LMTK3: variants seen among roughly 807,000 people sequenced by gnomAD.
The protein encoded by LMTK3 is serine/threonine-protein kinase LMTK3.
Under a neutral mutation model 116.7 loss-of-function variants are expected in LMTK3, and 27 were observed. That is an observed-to-expected ratio of 0.23 (90% confidence interval 0.17 to 0.32). LMTK3 has a LOEUF of 0.32. Ranked by LOEUF, LMTK3 falls within the 10% of genes least tolerant of loss-of-function variation. The pLI, the probability that LMTK3 is intolerant of heterozygous loss-of-function variation, is 1.00. For missense variants in LMTK3, 1,764 were observed against 2,068.5 expected (o/e 0.85, Z 2.86); for synonymous variants, 965 against 971.0 (o/e 0.99, Z 0.11).
In LMTK3 at chr19:48,510,138, C is replaced by T. The variant is rs1487288580; in HGVS notation, c.246G>A (p.Gly82=). ...TCTCCTCCGCAGGGGGAGTGTACTC[C>T]CCGGAGCAGTCCTCCCCTTCAGGGT... ...FENPEGEDCS[G]EYTPPAEETS... The change falls in exon 3 of 15, where the codon GGG becomes GGA. Residue 82 remains glycine (G), a synonymous_variant. Transcript: ENST00000600059. 4 of 1,613,856 alleles carry T rather than the reference C, an allele frequency of 2.5e-6. No homozygotes were observed. Among genetic ancestry groups the T allele is most frequent in the Non-Finnish European group, 3.4e-6 (4 of 1,179,822 alleles).
At position 48,497,540 on chromosome 19, in the gene LMTK3, C is replaced by T. The variant is rs774296302; in HGVS notation, c.3529G>A (p.Glu1177Lys). 7.9e-6 allele frequency: 11 copies of T among 1,391,340 alleles called. No homozygotes were observed. The highest frequency in any genetic ancestry group is 8.4e-6 in the Non-Finnish European group (9 of 1,069,314). The allele number at this position is 1,391,340 out of a possible 1,614,324, so 86.2% of individuals were successfully genotyped here. Residue 1177 changes from glutamate (E) to lysine (K), a missense_variant, in exon 11 of 15, where the codon GAG (glutamate) becomes AAG (lysine). By Grantham distance (56) the Glu-to-Lys change is moderately conservative. Coordinates refer to ENST00000600059, the MANE Select transcript of LMTK3 (RefSeq NM_001388485.1). This position sits in a 1 kb window ranked among gnomAD's most constrained non-coding sequence, Gnocchi z 5.7. ...RARPEVAPEG[E>K]PGAPDSRAGG... ...GCCCTGCTGTCTGGGGCCCCGGGCT[C>T]TCCCTCGGGGGCCACCTCCGGCCTG...
rs775978337 is a variant in LMTK3 at position 48,501,025 on chromosome 19, C to A, written c.1122G>T (p.Pro374=). ...VRQQHVKLAR[P]RLKLPYADYW... ...AGTCCGCGTAAGGCAGCTTGAGCCTCGGCCGGGCCAGCTTCACATGCTGCT... is the reference window on the plus strand; with the variant it reads ...AGTCCGCGTAAGGCAGCTTGAGCCTAGGCCGGGCCAGCTTCACATGCTGCT... The change falls in exon 10 of 15, where the codon CCG becomes CCT. Residue 374 remains proline, a synonymous_variant. Transcript: ENST00000600059. 1.2e-5 allele frequency: 18 copies of A among 1,531,368 alleles called. No individual in the cohort carries two copies. The highest frequency in any genetic ancestry group is 1.6e-5 in the Non-Finnish European group (18 of 1,141,570). 94.9% of individuals were successfully genotyped at this position (1,531,368 alleles called of 1,614,324 possible). A position where few individuals can be genotyped will look rare whatever the true frequency, so the allele number is the denominator to read the frequency against.
At chr19:48,512,712 C>G (rs1347219371), upstream of LMTK3, among the ~76,000 whole-genome samples, 1 of 151,998 alleles carries the variant, frequency 6.6e-6, no homozygotes, top group Non-Finnish European at 1.5e-5. Context: ...CTCACACGGA[C>G]ACAAGCTTCA....
intron 5 of LMTK3, among the ~76,000 whole-genome samples, chr19:48,503,781 C>T (rs1219929030): frequency 6.6e-6 from 1 of 151,816 alleles, no homozygotes; most frequent in Non-Finnish European, 1.5e-5. Flanking sequence ...GCCTTTGCAC[C>T]TACAGTTTTC....
chr19:48,493,585 C>CCG, intron 12 of LMTK3, 109 bp downstream of exon 12: 1 of 1,403,248 alleles, frequency 7.1e-7, no homozygotes. Flanking sequence ...CGCCTCCCTC[C>CCG]AGGCCCCGCC....
Position 48,497,743 on chromosome 19 carries a change from A to G in LMTK3, c.3326T>C (p.Leu1109Pro). The G allele has an allele frequency of 7.4e-7, 1 of 1,343,150 alleles. No individual in the cohort carries two copies. The highest frequency in any genetic ancestry group is 3.0e-5 in the East Asian group (1 of 33,442). 83.2% of individuals were successfully genotyped at this position (1,343,150 alleles called of 1,614,324 possible). A position where few individuals can be genotyped will look rare whatever the true frequency, so the allele number is the denominator to read the frequency against. ...CACTGGGGCTCGGCCCCCACTCCCGAGGTCCAGCCTCCCAGCCCCTGGGGC... is the reference window on the plus strand; with the variant it reads ...CACTGGGGCTCGGCCCCCACTCCCGGGGTCCAGCCTCCCAGCCCCTGGGGC... ...PRAPGAGRLD[L>P]GSGGRAPVGT... Residue 1109 changes from leucine (L) to proline (P), a missense_variant, in exon 11 of 15, where the codon CTC (leucine) becomes CCC (proline). Physicochemically the swap from Leu to Pro is moderately conservative, Grantham distance 98. Around this residue, in one of 7 missense-constraint regions of LMTK3, gnomAD observed 1,028 missense variants for 1,050.6 expected, o/e 0.98. Transcript: ENST00000600059. This position sits in a 1 kb window ranked among gnomAD's most constrained non-coding sequence, Gnocchi z 5.7.
rs759010027 is a variant in LMTK3, at chr19:48,497,487, G to A, written c.3582C>T (p.Asp1194=). 4 of 1,482,742 alleles carry A rather than the reference G, an allele frequency of 2.7e-6. No individual in the cohort carries two copies. Among genetic ancestry groups the A allele is most frequent in the Non-Finnish European group, 3.6e-6 (4 of 1,119,450 alleles). The allele number at this position is 1,482,742 out of a possible 1,614,324, so 91.8% of individuals were successfully genotyped here. The stretch of plus-strand genomic sequence containing the variant: ...TCCTCTCGGGCTTGGGGGGGTCCCC[G>A]TCTCCGCTGAGTGCCGTGTCTCCGC... The part of the protein sequence containing the change: ...RAGGDTALSG[D]GDPPKPERKG... The change falls in exon 11 of 15, where the codon GAC becomes GAT. Residue 1194 remains aspartate (D), a synonymous_variant. Transcript: ENST00000600059. The surrounding 1 kb of genome is among the most constrained non-coding windows in gnomAD (Gnocchi z 5.7).
rs1047011219 is a variant in LMTK3 at position 48,499,744 on chromosome 19, G to A, written c.1325C>T (p.Pro442Leu). The A allele has an allele frequency of 5.2e-6, 8 of 1,532,236 alleles. No homozygotes were observed. Among genetic ancestry groups the A allele is most frequent in the Admixed American group, 2.1e-5 (1 of 48,628 alleles). 94.9% of individuals were successfully genotyped at this position (1,532,236 alleles called of 1,614,324 possible). ...PWPWPPAHSA[P>L]RPGTLSSPFP... ...CGGTGAGGAGAGGGTCCCCGGGCGG[G>A]GCGCACTGTGTGCAGGGGGCCAGGG... The change falls in exon 11 of 15, where the codon CCC (proline) becomes CTC (leucine). Residue 442 changes from proline (P) to leucine (L), a missense_variant. By Grantham distance (98) the Pro-to-Leu change is moderately conservative. Coordinates refer to ENST00000600059, the MANE Select transcript of LMTK3 (RefSeq NM_001388485.1).
At chr19:48,486,242 G>A (rs1972123136) in intron 14 of LMTK3, among the ~76,000 whole-genome samples, 1 of 149,974 alleles carries the variant, frequency 6.7e-6, no homozygotes, top group Admixed American at 6.6e-5. Context: ...TGTATTTTTA[G>A]TAGAGACGGG....
Position 48,491,168 on chromosome 19 carries a change from C to CGGAGAAGCG in LMTK3, c.4297_4305dup (p.Arg1433_Ser1435dup), listed in dbSNP as rs1223880290. On this transcript the variant is annotated inframe_insertion, in exon 14 of 15. Transcript: ENST00000600059. This position sits in a 1 kb window ranked among gnomAD's most constrained non-coding sequence, Gnocchi z 5.1. ...CCCGGGGTCTCCAGCGCAGGCGAGA[C>CGGAGAAGCG]GGAGAAGCGGGAGAAGCACAGCGGG... 7.4e-7 allele frequency: 1 copy of CGGAGAAGCG among 1,348,036 alleles called. No homozygotes were observed. The allele number at this position is 1,348,036 out of a possible 1,614,324, so 83.5% of individuals were successfully genotyped here.
In LMTK3 at chr19:48,511,613, GCTGGGGAGGA is replaced by G; in HGVS notation, c.-47_-38del. 1 of 869,784 alleles carries G rather than the reference GCTGGGGAGGA, an allele frequency of 1.1e-6. No homozygotes were observed. Among genetic ancestry groups the G allele is most frequent in the Non-Finnish European group, 1.6e-6 (1 of 611,210 alleles). 53.9% of individuals were successfully genotyped at this position (869,784 alleles called of 1,614,324 possible). A position where few individuals can be genotyped will look rare whatever the true frequency, so the allele number is the denominator to read the frequency against. On this transcript the variant is annotated 5_prime_UTR_variant, in exon 1 of 15. Transcript: ENST00000600059. ...TGGCAGGGAGGTGGAGGTGGTGGCG[GCTGGGGAGGA>G]GGGGGGGGCGGGCCCTCAGCCCCCA...
rs1024366419 is a variant in LMTK3, at chr19:48,497,620, A to G, written c.3449T>C (p.Leu1150Pro). 1.4e-5 allele frequency: 18 copies of G among 1,299,822 alleles called. No individual in the cohort carries two copies. Among genetic ancestry groups the G allele is most frequent in the Admixed American group, 4.0e-5 (1 of 25,026 alleles). The allele number at this position is 1,299,822 out of a possible 1,614,324, so 80.5% of individuals were successfully genotyped here. The change falls in exon 11 of 15, where the codon CTG (leucine) becomes CCG (proline). Residue 1150 changes from leucine to proline, a missense_variant. Coordinates refer to ENST00000600059, the MANE Select transcript of LMTK3 (RefSeq NM_001388485.1). This position sits in a 1 kb window ranked among gnomAD's most constrained non-coding sequence, Gnocchi z 5.7. The part of the protein sequence containing the change: ...NTRPQPPPPP[L>P]PPPPEAQPRR... The stretch of plus-strand genomic sequence containing the variant: ...CGGCTGTGCCTCCGGTGGCGGTGGC[A>G]GCGGTGGCGGCGGTGGCTGCGGCCT...
intron 14 of LMTK3, among the ~76,000 whole-genome samples, chr19:48,487,350 A>G (rs1253293091): frequency 6.6e-6 from 1 of 151,652 alleles, no homozygotes; most frequent in African/African-American, 2.4e-5. Flanking sequence ...TAATTTTTGT[A>G]TTTTTCATAC....
Position 48,499,899 on chromosome 19 carries a change from G to A in LMTK3, c.1170C>T (p.Ser390=), listed in dbSNP as rs1160108266. 2 of 1,595,414 alleles carry A rather than the reference G, an allele frequency of 1.3e-6. No homozygotes were observed. The highest frequency in any genetic ancestry group is 1.7e-6 in the Non-Finnish European group (2 of 1,172,696). ...YADYWYDILQ[S]CWRPPAQRPS... is the part of the protein sequence containing the mutation. ...GGCGCTGGGCAGGTGGCCGCCAGCAGGACTGAAGAATGTCATACCTGGGGA... is the reference window on the plus strand; with the variant it reads ...GGCGCTGGGCAGGTGGCCGCCAGCAAGACTGAAGAATGTCATACCTGGGGA... Residue 390 remains serine, a synonymous_variant, in exon 11 of 15, where the codon TCC becomes TCT. Transcript: ENST00000600059.
chr19:48,490,076 G>A (rs893470105), intron 14 of LMTK3, among the ~76,000 whole-genome samples: 1 of 152,202 alleles, frequency 6.6e-6, no homozygotes, highest in Non-Finnish European at 1.5e-5. Flanking sequence ...AGGTGGCCAC[G>A]AGGATTAGCG....
chr19:48,506,953 C>T (rs942214572), intron 5 of LMTK3, among the ~76,000 whole-genome samples: 12 of 152,264 alleles, frequency 7.9e-5, no homozygotes, highest in African/African-American at 2.6e-4. Context: ...TGTGAGCCAC[C>T]GTGCCTGGCC....
Position 48,511,730 on chromosome 19 carries a change from G to A in LMTK3, c.-154C>T. On this transcript the variant is annotated 5_prime_UTR_variant, in exon 1 of 15. Transcript: ENST00000600059. ...CGCAGGACAGGGGGAGGGAGGGGCTGCTTGCTGGCTCAGGTACCCCCCTCC... is the reference window on the plus strand; with the variant it reads ...CGCAGGACAGGGGGAGGGAGGGGCTACTTGCTGGCTCAGGTACCCCCCTCC... 2.4e-6 allele frequency: 1 copy of A among 424,380 alleles called. No individual in the cohort carries two copies. The allele number at this position is 424,380 out of a possible 1,614,324, so 26.3% of individuals were successfully genotyped here.
At chr19:48,488,491 C>T (rs746088896) in intron 14 of LMTK3, among the ~76,000 whole-genome samples, 11 of 152,010 alleles carry the variant, frequency 7.2e-5, no homozygotes, top group Non-Finnish European at 1.6e-4. Flanking sequence ...TATAGTCGTC[C>T]GTGGCTCCCT....
In LMTK3 at chr19:48,502,512, CT is replaced by C; in HGVS notation, c.714del (p.Asp239ThrfsTer36). 1 of 1,608,354 alleles carries C rather than the reference CT, an allele frequency of 6.2e-7. No homozygotes were observed. Among genetic ancestry groups the C allele is most frequent in the Non-Finnish European group, 8.5e-7 (1 of 1,177,814 alleles). On this transcript the variant is annotated frameshift_variant, in exon 7 of 15. Coordinates refer to ENST00000600059, the MANE Select transcript of LMTK3 (RefSeq NM_001388485.1). LOFTEE classifies it high-confidence loss of function. ...CCCATCCTCTGCAGCGTCCGCAGGT[CT>C]CGAGGGGGTAGCTCAGGGGACAGGC... The part of the protein sequence containing the change: ...PEGLSPELPP[R>X]DLRTLQRMGL...
Sources: gnomAD v4.1 joint callset for allele counts (sites outside exome capture counted in the v4.1 genomes callset) on GRCh38, gnomAD v4.1.1 for gene constraint, gnomAD v4.1.1 regional missense constraint, Gnocchi (gnomAD v3.1) non-coding constraint, MANE v1.5 for transcripts, NCBI Gene and HGNC (gene_info 2026-07-23, HGNC 2026-07-21) for gene names.